GABRB1: variants seen among roughly 807,000 people sequenced by gnomAD.
GABRB1 encodes the protein gamma-aminobutyric acid receptor subunit beta-1.
A neutral mutation model predicts 51.6 loss-of-function variants in GABRB1; 17 were observed. The observed-to-expected ratio is 0.33, with a 90% CI of 0.23 to 0.49. GABRB1 has a LOEUF of 0.49. GABRB1 is among the 20% of genes least tolerant of loss of function. The pLI is 0.99. For missense variants in GABRB1, 410 were observed against 600.6 expected, an observed-to-expected ratio of 0.68 and a Z score of 3.32; for synonymous variants, 247 against 218.9, an observed-to-expected ratio of 1.13 and a Z score of -1.14.
At chr4:47,009,143 C>T (rs76605108) in intron 1 of GABRB1, among the ~76,000 whole-genome samples, 2 of 150,394 alleles carry the variant, frequency 1.3e-5, no homozygotes, top group Non-Finnish European at 1.5e-5. Context: ...GGATTACAGG[C>T]ATGAGCCACC....
In GABRB1 at chr4:47,021,095, T is replaced by C. The variant is rs549969285; in HGVS notation, c.-19-10819T>C. Among the ~76,000 whole-genome samples, 4 of 152,306 alleles carry C rather than the reference T, an allele frequency of 2.6e-5. No homozygotes were observed. The South Asian group carries it at 8.3e-4, about 32-fold the overall frequency. On this transcript the variant is annotated intron_variant, in intron 1 of 3. Transcript: ENST00000513567. ...TCTTCCTTAACCACTCTTTCTACTT[T>C]TCAACAAACAAAACCCTCCACAGAT...
chr4:47,142,947 A>T (rs1414302459), intron 3 of GABRB1, among the ~76,000 whole-genome samples: 1 of 151,904 alleles, frequency 6.6e-6, no homozygotes, highest in Non-Finnish European at 1.5e-5. Flanking sequence ...CACTGAAATT[A>T]TTTCTGCAAT....
intron 4 of GABRB1, among the ~76,000 whole-genome samples, chr4:47,243,672 G>A (rs923066569): frequency 6.6e-6 from 1 of 152,160 alleles, no homozygotes; most frequent in African/African-American, 2.4e-5. Flanking sequence ...GTTCACTCAT[G>A]ATTTGGCTCT....
At chr4:47,340,858 A>G (rs370432306) in intron 5 of GABRB1, among the ~76,000 whole-genome samples, 5 of 152,330 alleles carry the variant, frequency 3.3e-5, no homozygotes, top group African/African-American at 1.2e-4. Flanking sequence ...TGCCAAGTTG[A>G]CATAAGCAAT....
chr4:47,088,971 C>T (rs545100022), intron 3 of GABRB1, among the ~76,000 whole-genome samples: 2 of 152,262 alleles, frequency 1.3e-5, no homozygotes, highest in South Asian at 4.1e-4. Flanking sequence ...ATCAGGGACT[C>T]CATCTGCTGG....
At chr4:47,023,615 A>G (rs961640428) in intron 1 of GABRB1, among the ~76,000 whole-genome samples, 38 of 152,056 alleles carry the variant, frequency 2.5e-4, no homozygotes, top group African/African-American at 9.2e-4. Flanking sequence ...AAGAAGAAAA[A>G]ATAACTGCAG....
Position 47,008,852 on chromosome 4 carries a change from CCTTT to C in GABRB1, c.-20+14927_-20+14930del, listed in dbSNP as rs1186043744. On this transcript the variant is annotated intron_variant, in intron 1 of 3. Transcript: ENST00000513567. ...CACCCTGTCACGCTATCAGATACTA[CCTTT>C]TTTTTTTTTTTTTTTTTTTTTTTTT... is the stretch of plus-strand genomic sequence containing the variant. Among the ~76,000 whole-genome samples the C allele has an allele frequency of 7.5e-3, 426 of 56,434 alleles. 137 individuals carry two copies. Among genetic ancestry groups the C allele is most frequent in the African/African-American group, 0.028 (365 of 12,850 alleles). The allele number at this position is 56,434 out of a possible 152,430, so 37.0% of individuals were successfully genotyped here.
chr4:47,342,224 G>T (rs1259415348), intron 5 of GABRB1, among the ~76,000 whole-genome samples: 3 of 151,582 alleles, frequency 2.0e-5, no homozygotes, highest in African/African-American at 7.3e-5. Context: ...ACATCTTTTT[G>T]CTTAAAATCT....
intron 4 of GABRB1, among the ~76,000 whole-genome samples, chr4:47,307,109 A>G (rs996046270): frequency 2.0e-5 from 3 of 152,142 alleles, no homozygotes; most frequent in African/African-American, 4.8e-5. Flanking sequence ...AAAAAATCCA[A>G]TGTCACCAGA....
chr4:47,032,116 A>G (rs1165776602), intron 2 of GABRB1, 111 bp downstream of exon 2: 2 of 643,440 alleles, frequency 3.1e-6, no homozygotes, highest in Non-Finnish European at 5.3e-6. Context: ...GTAAGCGTGC[A>G]CTATACCCTG....
chr4:47,323,476 T>TG (rs1485838166), intron 5 of GABRB1, among the ~76,000 whole-genome samples: 1 of 152,060 alleles, frequency 6.6e-6, no homozygotes, highest in Non-Finnish European at 1.5e-5. Flanking sequence ...CATGTATTTT[T>TG]TTAACTTTTC....
At chr4:47,269,119 G>C (rs900538853) in intron 4 of GABRB1, among the ~76,000 whole-genome samples, 2 of 152,098 alleles carry the variant, frequency 1.3e-5, no homozygotes, top group Admixed American at 6.6e-5. Flanking sequence ...ACTTAATGAT[G>C]TTCAGGTTGA....
chr4:47,408,439 G>A (rs1271729360), intron 8 of GABRB1, among the ~76,000 whole-genome samples: 2 of 152,176 alleles, frequency 1.3e-5, no homozygotes, highest in East Asian at 1.9e-4. Flanking sequence ...TTAGTAGGAC[G>A]AAAGTTTGGA....
chr4:47,343,158 A>G (rs992535895), intron 5 of GABRB1, among the ~76,000 whole-genome samples: 6 of 151,954 alleles, frequency 3.9e-5, no homozygotes, highest in Non-Finnish European at 2.9e-5. Flanking sequence ...AAAAAAAAAA[A>G]TGTCTGTTCT....
chr4:47,200,518 A>G (rs926715166), intron 4 of GABRB1, among the ~76,000 whole-genome samples: 2 of 152,304 alleles, frequency 1.3e-5, no homozygotes, highest in East Asian at 1.9e-4. Context: ...TGACTGACTT[A>G]TCTTTCACAC....
At chr4:47,085,816 G>T (rs1033529869) in intron 3 of GABRB1, among the ~76,000 whole-genome samples, 2 of 152,100 alleles carry the variant, frequency 1.3e-5, no homozygotes, top group African/African-American at 4.8e-5. Flanking sequence ...AATTTGTGCC[G>T]GCTGTGCCCT....
intron 3 of GABRB1, among the ~76,000 whole-genome samples, chr4:47,035,870 TG>T (rs1435239294): frequency 6.6e-6 from 1 of 152,222 alleles, no homozygotes; most frequent in African/African-American, 2.4e-5. Context: ...GTTGAACTCT[TG>T]TATTTCAAAT....
At position 47,260,953 on chromosome 4, in the gene GABRB1, T is replaced by A. The variant is rs571875400; in HGVS notation, c.462-59174T>A. ...AACAGAACCAAAGACAAAAACCACA[T>A]GATTATCTCAATAGAGGCAGAACAG... On this transcript the variant is annotated intron_variant, in intron 4 of 8. Transcript: ENST00000295454. Among the ~76,000 whole-genome samples, 9 of 152,300 alleles carry A rather than the reference T, an allele frequency of 5.9e-5. No homozygotes were observed. In the South Asian group the frequency reaches 1.7e-3, roughly 28 times the overall value.
intron 3 of GABRB1, among the ~76,000 whole-genome samples, chr4:47,151,796 A>G (rs75445116): frequency 6.6e-6 from 1 of 152,018 alleles, no homozygotes; most frequent in African/African-American, 2.4e-5. Context: ...TGATGAATTA[A>G]TCAATTTAAT....
Sources: allele counts gnomAD v4.1 joint callset (sites outside exome capture counted in the v4.1 genomes callset), GRCh38; gene constraint gnomAD v4.1.1; transcripts MANE v1.5; gene names NCBI Gene and HGNC (gene_info 2026-07-23, HGNC 2026-07-21).